The following TCF12 variants were observed in gnomAD, a reference collection of about 807,000 sequenced individuals.
TCF12 encodes the protein transcription factor 12, also known as DNA-binding protein HTF4.
A neutral mutation model predicts 86.0 loss-of-function variants in TCF12; 45 were observed. The ratio of observed to expected loss-of-function variants is 0.52; its 90% confidence interval spans 0.41 to 0.67. TCF12 has a LOEUF of 0.67. Among genes scored for constraint, TCF12 ranks in the 30% least tolerant of loss-of-function variants. The pLI is 0.00. For synonymous variants in TCF12, 330 were observed against 299.6 expected, an observed-to-expected ratio of 1.10 and a Z score of -1.05; for missense variants, 881 against 859.9, an observed-to-expected ratio of 1.02 and a Z score of -0.31.
chr15:56,955,997 T>A (rs144897079), intron 3 of TCF12, among the ~76,000 whole-genome samples: 1 of 152,152 alleles, frequency 6.6e-6, no homozygotes, highest in African/African-American at 2.4e-5. Flanking sequence ...ACCCCTTTTT[T>A]TCTGATAATG....
At chr15:57,219,251 A>G in intron 8 of TCF12, 1 of 1,165,168 alleles carries the variant, frequency 8.6e-7, no homozygotes, top group Non-Finnish European at 1.1e-6. Flanking sequence ...CTTAAAAGTG[A>G]CTTGCATTTT....
At chr15:57,193,779 C>G (rs2057106651) in intron 7 of TCF12, among the ~76,000 whole-genome samples, 1 of 152,138 alleles carries the variant, frequency 6.6e-6, no homozygotes, top group Admixed American at 6.5e-5. Context: ...TATAAAAGGG[C>G]ACTATGATAG....
intron 13 of TCF12, among the ~76,000 whole-genome samples, chr15:57,248,919 A>G (rs1449294090): frequency 6.6e-6 from 1 of 152,236 alleles, no homozygotes; most frequent in Non-Finnish European, 1.5e-5. Flanking sequence ...GCAAAAGCAG[A>G]TGCATGCTGA....
intron 5 of TCF12, among the ~76,000 whole-genome samples, chr15:57,093,015 C>T (rs769533175): frequency 3.9e-5 from 6 of 152,078 alleles, no homozygotes; most frequent in African/African-American, 4.8e-5. Flanking sequence ...TGGATTTTGC[C>T]GAAGGCGGTT....
chr15:56,969,535 A>ATTT (rs67565542), intron 3 of TCF12, among the ~76,000 whole-genome samples: 47 of 130,000 alleles, frequency 3.6e-4, no homozygotes, highest in East Asian at 1.3e-3. Context: ...CCAGTTGGAG[A>ATTT]TTTTTTTTTT....
intron 3 of TCF12, among the ~76,000 whole-genome samples, chr15:57,009,052 A>G (rs1324075474): frequency 1.3e-5 from 2 of 152,176 alleles, no homozygotes; most frequent in African/African-American, 4.8e-5. Context: ...TTCATTTTGA[A>G]GTTAAAGTCC....
At chr15:57,136,089 A>G (rs1191018375) in intron 5 of TCF12, among the ~76,000 whole-genome samples, 2 of 152,222 alleles carry the variant, frequency 1.3e-5, no homozygotes, top group South Asian at 2.1e-4. Flanking sequence ...GTGGAAATCT[A>G]TAATTTGTCT....
chr15:57,260,522 T>C (rs1309191323), intron 16 of TCF12, among the ~76,000 whole-genome samples: 2 of 152,204 alleles, frequency 1.3e-5, no homozygotes, highest in Admixed American at 6.5e-5. Flanking sequence ...CAAAATGTTA[T>C]GTAAAACAGA....
intron 12 of TCF12, among the ~76,000 whole-genome samples, chr15:57,239,515 CAAAAA>C (rs67591734): frequency 9.3e-6 from 1 of 107,174 alleles, no homozygotes; most frequent in Non-Finnish European, 1.7e-5. Flanking sequence ...GACTCCATCT[CAAAAA>C]AAAAAAAAAA....
intron 13 of TCF12, among the ~76,000 whole-genome samples, chr15:57,246,631 G>A (rs1409469525): frequency 1.3e-5 from 2 of 151,652 alleles, no homozygotes; most frequent in African/African-American, 4.9e-5. Context: ...CACTACCACA[G>A]TTTACAGGGC....
chr15:57,057,733 A>G (rs1596328131), intron 3 of TCF12, among the ~76,000 whole-genome samples: 1 of 152,306 alleles, frequency 6.6e-6, no homozygotes, highest in East Asian at 1.9e-4. Context: ...CAGGATGGAC[A>G]TGATTTGGCT....
chr15:57,071,567 G>A (rs908899185), intron 4 of TCF12, among the ~76,000 whole-genome samples: 4 of 152,096 alleles, frequency 2.6e-5, no homozygotes, highest in African/African-American at 7.2e-5. Flanking sequence ...CCCGGGAGGC[G>A]GAGGTTAGAA....
rs933763344 is a variant in TCF12, at chr15:56,918,731, C to G, written c.-198C>G. On this transcript the variant is annotated 5_prime_UTR_variant, in exon 1 of 21. Coordinates refer to ENST00000333725, the MANE Select transcript of TCF12 (RefSeq NM_207037.2). ...GTTCTATTCGGGGGGACCGACAGCC[C>G]GCCCCGGGAGGAAGGGGCGGCCAGG... 1.2e-5 allele frequency: 2 copies of G among 164,030 alleles called. No individual in the cohort carries two copies. The highest frequency in any genetic ancestry group is 4.8e-5 in the African/African-American group (2 of 41,504). 10.2% of individuals were successfully genotyped at this position (164,030 alleles called of 1,614,324 possible). A position where few individuals can be genotyped will look rare whatever the true frequency, so the allele number is the denominator to read the frequency against.
chr15:57,178,376 A>G (rs1445360210), intron 6 of TCF12, among the ~76,000 whole-genome samples: 1 of 152,182 alleles, frequency 6.6e-6, no homozygotes, highest in Non-Finnish European at 1.5e-5. Flanking sequence ...GCCTAACTAT[A>G]TGTCTAATGC....
At chr15:56,937,175 G>A (rs554660605) in intron 3 of TCF12, among the ~76,000 whole-genome samples, 1 of 152,226 alleles carries the variant, frequency 6.6e-6, no homozygotes, top group African/African-American at 2.4e-5. Context: ...TTTCCTTGTA[G>A]ACGTCCTTTA....
intron 13 of TCF12, among the ~76,000 whole-genome samples, chr15:57,246,768 A>G (rs528102792): frequency 6.6e-6 from 1 of 152,308 alleles, no homozygotes; most frequent in East Asian, 1.9e-4. Flanking sequence ...TGGCTCTGAC[A>G]GTCCTGAACA....
chr15:57,126,975 T>A (rs2151320746), intron 5 of TCF12, among the ~76,000 whole-genome samples: 1 of 143,166 alleles, frequency 7.0e-6, no homozygotes, highest in East Asian at 2.1e-4. Context: ...TGTACTTTTT[T>A]TTTCTTTTCT....
At chr15:57,171,292 C>T (rs2055478728) in intron 6 of TCF12, among the ~76,000 whole-genome samples, 1 of 151,448 alleles carries the variant, frequency 6.6e-6, no homozygotes, top group Non-Finnish European at 1.5e-5. Flanking sequence ...GCCCAAAATT[C>T]AGCAGAGTGG....
intron 5 of TCF12, chr15:57,130,097 T>G (rs1285316451): frequency 6.6e-6 from 1 of 152,250 alleles, no homozygotes; most frequent in Admixed American, 6.5e-5. Flanking sequence ...CTCTTTAGAT[T>G]CATTTGAAAT....
Sources: allele counts gnomAD v4.1 joint callset (sites outside exome capture counted in the v4.1 genomes callset), GRCh38; gene constraint gnomAD v4.1.1; transcripts MANE v1.5; gene names NCBI Gene and HGNC (gene_info 2026-07-23, HGNC 2026-07-21).